The following PCDH15 variants were observed in gnomAD, a reference collection of about 807,000 sequenced individuals.
PCDH15 encodes the protein protocadherin related 15, also known as protocadherin-15.
PCDH15 carries 129 observed loss-of-function variants against 178.5 expected under a neutral mutation model. The ratio of observed to expected loss-of-function variants is 0.72; its 90% confidence interval spans 0.63 to 0.84. The LOEUF is 0.84. PCDH15 is among the 40% of genes least tolerant of loss of function. The probability of loss-of-function intolerance (pLI) is 0.00; values close to 1 mark genes in which losing one functional copy is unlikely to be tolerated. For synonymous variants in PCDH15, 800 were observed against 732.0 expected, an observed-to-expected ratio of 1.09 and a Z score of -1.50; for missense variants, 2,230 against 2,099.9, an observed-to-expected ratio of 1.06 and a Z score of -1.21.
At chr10:55,384,224 G>T (rs1837601346) in intron 2 of PCDH15, among the ~76,000 whole-genome samples, 2 of 152,034 alleles carry the variant, frequency 1.3e-5, no homozygotes, top group South Asian at 2.1e-4. Flanking sequence ...ATATTGTTTT[G>T]AGGAGATCTG....
chr10:54,382,296 T>C (rs968363052), intron 3 of PCDH15, among the ~76,000 whole-genome samples: 1 of 152,166 alleles, frequency 6.6e-6, no homozygotes, highest in African/African-American at 2.4e-5. Flanking sequence ...CTTCTTTTTA[T>C]GTACTTCCTG....
chr10:55,307,893 C>T (rs1481880312), intron 1 of PCDH15, among the ~76,000 whole-genome samples: 4 of 151,580 alleles, frequency 2.6e-5, no homozygotes, highest in South Asian at 2.1e-4. Flanking sequence ...TTATTACTAA[C>T]GAGAGAGAAA....
chr10:54,300,092 A>C (rs570612873), intron 8 of PCDH15, among the ~76,000 whole-genome samples: 101 of 152,292 alleles, frequency 6.6e-4, no homozygotes, highest in African/African-American at 2.4e-3. Flanking sequence ...GACTCTCCTA[A>C]ACTGCTGAGG....
At chr10:54,511,457 G>C (rs1194981300) in intron 3 of PCDH15, among the ~76,000 whole-genome samples, 2 of 152,060 alleles carry the variant, frequency 1.3e-5, no homozygotes, top group Non-Finnish European at 2.9e-5. Flanking sequence ...AGAGAGAATA[G>C]CACTTCACAG....
intron 9 of PCDH15, among the ~76,000 whole-genome samples, chr10:54,225,616 C>A (rs1212845536): frequency 1.3e-5 from 2 of 152,210 alleles, no homozygotes; most frequent in African/African-American, 4.8e-5. Flanking sequence ...ACTTTTATTG[C>A]CCAATTATCT....
chr10:55,245,698 A>C (rs932200273), intron 1 of PCDH15, among the ~76,000 whole-genome samples: 11 of 152,210 alleles, frequency 7.2e-5, no homozygotes, highest in Non-Finnish European at 1.5e-4. Context: ...CCAAAATCCC[A>C]GAATATGTAT....
intron 22 of PCDH15, among the ~76,000 whole-genome samples, 161 bp from the exon 23 acceptor site, chr10:53,960,005 A>T (rs1316793325): frequency 2.0e-5 from 3 of 152,210 alleles, no homozygotes; most frequent in Non-Finnish European, 4.4e-5. Flanking sequence ...CTATGCTAGA[A>T]AATACTACGT....
chr10:55,249,334 T>G (rs1841771356), intron 1 of PCDH15, among the ~76,000 whole-genome samples: 1 of 152,234 alleles, frequency 6.6e-6, no homozygotes, highest in Non-Finnish European at 1.5e-5. Flanking sequence ...TCTGACCTAG[T>G]GGTTGGAATG....
At chr10:54,408,643 C>T (rs538825004) in intron 3 of PCDH15, among the ~76,000 whole-genome samples, 33 of 152,258 alleles carry the variant, frequency 2.2e-4, no homozygotes, top group African/African-American at 7.7e-4. Context: ...AACCGCATAA[C>T]TGAGAAGCTA....
chr10:54,390,290 T>C (rs77383620), intron 3 of PCDH15, among the ~76,000 whole-genome samples: 2 of 141,512 alleles, frequency 1.4e-5, no homozygotes, highest in African/African-American at 6.3e-5. Flanking sequence ...TACCTTTTGT[T>C]TTGTTTTGTT....
chr10:55,128,335 T>C (rs555608813), intron 2 of PCDH15, among the ~76,000 whole-genome samples: 1 of 151,894 alleles, frequency 6.6e-6, no homozygotes, highest in African/African-American at 2.4e-5. Flanking sequence ...TGGGTCTTAC[T>C]CTCTTACTTG....
At chr10:55,136,288 C>A (rs1838196324) in intron 2 of PCDH15, among the ~76,000 whole-genome samples, 1 of 152,018 alleles carries the variant, frequency 6.6e-6, no homozygotes, top group Non-Finnish European at 1.5e-5. Context: ...GTTTTGTTTT[C>A]TGTTAAACAA....
At chr10:54,420,477 A>G (rs1184061304) in intron 3 of PCDH15, among the ~76,000 whole-genome samples, 4 of 152,128 alleles carry the variant, frequency 2.6e-5, no homozygotes, top group African/African-American at 9.7e-5. Context: ...AGAAAAGTGA[A>G]TTGGGAGTAC....
At chr10:54,560,062 T>C (rs1009133910) in intron 2 of PCDH15, among the ~76,000 whole-genome samples, 4 of 151,930 alleles carry the variant, frequency 2.6e-5, no homozygotes, top group Admixed American at 6.6e-5. Flanking sequence ...AACATTGTAT[T>C]TGAGCTGGAC....
At position 54,622,670 on chromosome 10, in the gene PCDH15, A is replaced by AAT. The variant is rs1565777266; in HGVS notation, c.91+41501_91+41502insAT. Among the ~76,000 whole-genome samples, 8 of 91,002 alleles carry AAT rather than the reference A, an allele frequency of 8.8e-5. 1 individual carries two copies. The highest frequency in any genetic ancestry group is 3.2e-4 in the African/African-American group (7 of 21,548). 59.7% of individuals were successfully genotyped at this position (91,002 alleles called of 152,430 possible). On this transcript the variant is annotated intron_variant, in intron 2 of 37. Coordinates refer to ENST00000644397, the MANE Select transcript of PCDH15 (RefSeq NM_001384140.1). ...ATATATATACTATATAATATATATT[A>AAT]TATATAATATATATTATATAATATA...
intron 8 of PCDH15, among the ~76,000 whole-genome samples, chr10:54,263,508 ACC>A (rs1405046506): frequency 6.6e-6 from 1 of 152,026 alleles, no homozygotes; most frequent in Non-Finnish European, 1.5e-5. Flanking sequence ...ATGCACCAAG[ACC>A]CCACCTGCCA....
chr10:55,482,905 A>C (rs1040312486), intron 2 of PCDH15, among the ~76,000 whole-genome samples: 4 of 151,738 alleles, frequency 2.6e-5, no homozygotes, highest in African/African-American at 9.7e-5. Context: ...TGATAGCCTT[A>C]AATATGTTTT....
chr10:55,533,549 T>A (rs1212240845), intron 2 of PCDH15, among the ~76,000 whole-genome samples: 1 of 152,000 alleles, frequency 6.6e-6, no homozygotes, highest in African/African-American at 2.4e-5. Context: ...TAAGGAGAAC[T>A]ATAAAACATT....
At chr10:55,416,809 G>C (rs570874207) in intron 2 of PCDH15, among the ~76,000 whole-genome samples, 2 of 151,810 alleles carry the variant, frequency 1.3e-5, no homozygotes, top group South Asian at 4.2e-4. Context: ...AGACATCTAA[G>C]CTAGTGTCTG....
Sources: gnomAD v4.1 joint callset for allele counts (sites outside exome capture counted in the v4.1 genomes callset) on GRCh38, gnomAD v4.1.1 for gene constraint, MANE v1.5 for transcripts, NCBI Gene and HGNC (gene_info 2026-07-23, HGNC 2026-07-21) for gene names.